Variants in CDH8 observed in about 807,000 individuals in gnomAD.
CDH8 encodes cadherin 8, also known as cadherin-8.
In CDH8, 17 loss-of-function variants were observed where a neutral mutation model predicts 68.1. The observed-to-expected ratio is 0.25, with a 90% CI of 0.17 to 0.37. The LOEUF (loss-of-function observed/expected upper bound fraction) is 0.37, where lower values mean the gene tolerates loss of function less well. CDH8 is among the 10% of genes least tolerant of loss of function. The pLI is 1.00. For missense variants in CDH8, 763 were observed against 999.3 expected (o/e 0.76, Z 3.19); for synonymous variants, 372 against 365.1 (o/e 1.02, Z -0.21).
At chr16:61,680,797 T>C (rs1167985886) in intron 10 of CDH8, among the ~76,000 whole-genome samples, 1 of 151,910 alleles carries the variant, frequency 6.6e-6, no homozygotes. Context: ...TTATTATCCT[T>C]TGTAGATTCT....
At chr16:61,822,201 G>A (rs1295197098) in intron 5 of CDH8, among the ~76,000 whole-genome samples, 3 of 80,218 alleles carry the variant, frequency 3.7e-5, no homozygotes, top group South Asian at 4.9e-4. Context: ...GCTCAAAAAC[G>A]CACCTTTTTT....
At chr16:61,792,277 G>T (rs1187481346) in intron 7 of CDH8, among the ~76,000 whole-genome samples, 1 of 151,952 alleles carries the variant, frequency 6.6e-6, no homozygotes, top group Non-Finnish European at 1.5e-5. Context: ...GAGATCAGAG[G>T]TAGGAATGTC....
At position 61,654,055 on chromosome 16, in the gene CDH8, T is replaced by C. The variant is rs1376140741; in HGVS notation, c.1953A>G (p.Pro651=). The change falls in exon 12 of 12, where the codon CCA becomes CCG. Residue 651 remains proline (P), a synonymous_variant. Transcript: ENST00000577390. ...FVTLRRHKNE[P]LIIKDDEDVR... The stretch of plus-strand genomic sequence containing the variant: ...CGTCTTCATCATCTTTGATAATTAA[T>C]GGTTCATTTTTATGCCGCCGTAGAG... The C allele has an allele frequency of 6.2e-7, 1 of 1,614,142 alleles. No individual in the cohort carries two copies. The highest frequency in any genetic ancestry group is 8.5e-7 in the Non-Finnish European group (1 of 1,180,008).
chr16:62,033,703 C>A (rs778830686), intron 1 of CDH8, among the ~76,000 whole-genome samples: 18 of 152,064 alleles, frequency 1.2e-4, no homozygotes, highest in Non-Finnish European at 2.5e-4. Flanking sequence ...TTGCGATGGT[C>A]AGGGGATAAC....
At chr16:61,948,108 C>A (rs998368486) in intron 2 of CDH8, among the ~76,000 whole-genome samples, 2 of 152,114 alleles carry the variant, frequency 1.3e-5, no homozygotes, top group African/African-American at 4.8e-5. Context: ...AAACGTATGA[C>A]CCTAAATTTG....
At chr16:61,687,323 C>A (rs969838765) in intron 10 of CDH8, among the ~76,000 whole-genome samples, 6 of 152,044 alleles carry the variant, frequency 3.9e-5, no homozygotes, top group Middle Eastern at 3.4e-3. Flanking sequence ...GTACTGTACA[C>A]ATACAGATTT....
At chr16:61,746,563 A>G (rs1960028523) in intron 8 of CDH8, among the ~76,000 whole-genome samples, 1 of 122,340 alleles carries the variant, frequency 8.2e-6, no homozygotes, top group Non-Finnish European at 1.7e-5. Context: ...CCCAACACAC[A>G]CACACACACA....
chr16:61,807,225 A>G (rs537032223), intron 7 of CDH8, among the ~76,000 whole-genome samples: 1 of 151,124 alleles, frequency 6.6e-6, no homozygotes, highest in Admixed American at 6.6e-5. Context: ...CACAAGAACA[A>G]AAAACCAAAC....
At chr16:62,024,347 G>T (rs533916747) in intron 1 of CDH8, among the ~76,000 whole-genome samples, 1 of 152,146 alleles carries the variant, frequency 6.6e-6, no homozygotes, top group Middle Eastern at 3.2e-3. Flanking sequence ...CTCATGGTAC[G>T]TCAGATAGGA....
chr16:61,823,486 T>A (rs1485034729), intron 5 of CDH8, among the ~76,000 whole-genome samples: 2 of 151,932 alleles, frequency 1.3e-5, no homozygotes, highest in African/African-American at 4.8e-5. Context: ...TGCATCACAC[T>A]CATACACTTT....
At chr16:61,968,645 G>A (rs932422166) in intron 2 of CDH8, among the ~76,000 whole-genome samples, 4 of 152,170 alleles carry the variant, frequency 2.6e-5, no homozygotes, top group Admixed American at 1.3e-4. Context: ...TAATAAATGA[G>A]GCATCGTTTT....
chr16:61,650,556 C>T lies in CDH8; in HGVS notation c.*3052G>A, dbSNP rs372511148. 6.6e-6 allele frequency: 1 copy of T among 152,082 alleles called. No homozygotes were observed. The highest frequency in any genetic ancestry group is 2.4e-5 in the African/African-American group (1 of 41,494). The allele number at this position is 152,082 out of a possible 1,614,324, so 9.4% of individuals were successfully genotyped here. On this transcript the variant is annotated 3_prime_UTR_variant, in exon 12 of 12. Transcript: ENST00000577390. ...TATTTAACAAATTGAGCATGGGATA[C>T]TTAAATCTTAGAAAATGTTAGGAAC...
At chr16:61,959,997 TATATATATATATATATATAC>T (rs1319611122) in intron 2 of CDH8, among the ~76,000 whole-genome samples, 5 of 80,118 alleles carry the variant, frequency 6.2e-5, no homozygotes, top group African/African-American at 3.2e-4. Flanking sequence ...TATATATATA[TATATATATATATATATATAC>T]ACACATACAC....
intron 6 of CDH8, among the ~76,000 whole-genome samples, chr16:61,820,224 T>C (rs1376954701): frequency 6.6e-6 from 1 of 151,774 alleles, no homozygotes; most frequent in Non-Finnish European, 1.5e-5. Flanking sequence ...TGAGCCATAG[T>C]TTGGAGTATA....
chr16:61,787,246 A>G (rs1250349891), intron 8 of CDH8, among the ~76,000 whole-genome samples: 1 of 149,482 alleles, frequency 6.7e-6, no homozygotes, highest in African/African-American at 2.4e-5. Flanking sequence ...ATTTACAAGA[A>G]AAAAACAAAC....
intron 9 of CDH8, chr16:61,726,248 T>C (rs1361306834): frequency 1.3e-5 from 2 of 151,044 alleles, no homozygotes; most frequent in Non-Finnish European, 3.0e-5. Flanking sequence ...TGAAAAATGA[T>C]AAATTTCTTA....
At chr16:61,911,033 G>A in intron 2 of CDH8, among the ~76,000 whole-genome samples, 1 of 152,062 alleles carries the variant, frequency 6.6e-6, no homozygotes, top group Admixed American at 6.6e-5. Flanking sequence ...CCTAGACATG[G>A]GAAGAGGGTG....
chr16:61,697,689 C>T (rs58564120), intron 10 of CDH8, among the ~76,000 whole-genome samples: 12,462 of 152,060 alleles, frequency 0.082, 665 homozygotes, highest in East Asian at 0.11. Context: ...TTAATAGAGA[C>T]GGGTTGGACC....
intron 8 of CDH8, among the ~76,000 whole-genome samples, chr16:61,730,433 A>C (rs1959503025): frequency 6.6e-6 from 1 of 151,418 alleles, no homozygotes; most frequent in Non-Finnish European, 1.5e-5. Context: ...GTGTCCCGGC[A>C]CCTCTGCAAG....
Sources: gnomAD v4.1 joint callset for allele counts (sites outside exome capture counted in the v4.1 genomes callset) on GRCh38, gnomAD v4.1.1 for gene constraint, MANE v1.5 for transcripts, NCBI Gene and HGNC (gene_info 2026-07-23, HGNC 2026-07-21) for gene names.